The following MYO16 variants were observed in gnomAD, a reference collection of about 807,000 sequenced individuals.
The protein encoded by MYO16 is unconventional myosin-XVI.
MYO16 carries 94 observed loss-of-function variants against 205.3 expected under a neutral mutation model. That is an observed-to-expected ratio of 0.46 (90% CI 0.39 to 0.54). The LOEUF (loss-of-function observed/expected upper bound fraction) is 0.54, where lower values mean the gene tolerates loss of function less well. Among genes scored for constraint, MYO16 ranks in the 20% least tolerant of loss-of-function variants. The probability of loss-of-function intolerance (pLI) is 0.00; values close to 1 mark genes in which losing one functional copy is unlikely to be tolerated. For synonymous variants in MYO16, 988 were observed against 954.0 expected (o/e 1.04, Z -0.66); for missense variants, 2,315 against 2,387.5 (o/e 0.97, Z 0.63).
At chr13:109,092,423 C>T (rs1888652271) in intron 27 of MYO16, among the ~76,000 whole-genome samples, 1 of 152,158 alleles carries the variant, frequency 6.6e-6, no homozygotes, top group Admixed American at 6.5e-5. Context: ...GAGGTCATGT[C>T]GTTTGTGGAA....
the MYO16 span, among the ~76,000 whole-genome samples, chr13:108,530,834 T>A: frequency 6.6e-6 from 1 of 152,222 alleles, no homozygotes; most frequent in African/African-American, 2.4e-5. Flanking sequence ...ATTTATATAG[T>A]TGGGTCTTAA....
the MYO16 span, among the ~76,000 whole-genome samples, chr13:108,586,714 T>C: frequency 6.6e-6 from 1 of 152,194 alleles, no homozygotes; most frequent in African/African-American, 2.4e-5. Flanking sequence ...TAAGAGATAC[T>C]GGTTATTATG....
intron 3 of MYO16, among the ~76,000 whole-genome samples, chr13:108,726,757 T>C (rs1183632964): frequency 3.3e-5 from 5 of 152,072 alleles, no homozygotes; most frequent in Admixed American, 1.3e-4. Flanking sequence ...GACTTATATA[T>C]ACAATATTTA....
intron 16 of MYO16, among the ~76,000 whole-genome samples, chr13:108,954,111 G>A (rs1883257375): frequency 1.3e-5 from 2 of 152,224 alleles, no homozygotes; most frequent in Non-Finnish European, 2.9e-5. Flanking sequence ...TTCTCATGGA[G>A]CAGGTCATAG....
intron 4 of MYO16, among the ~76,000 whole-genome samples, chr13:108,751,376 G>A (rs954574851): frequency 1.3e-5 from 2 of 151,954 alleles, no homozygotes; most frequent in Non-Finnish European, 2.9e-5. Context: ...ACACTGGAAC[G>A]ATTTAAGCAA....
intron 29 of MYO16, among the ~76,000 whole-genome samples, chr13:109,123,694 GA>G (rs1198580096): frequency 6.6e-6 from 1 of 151,816 alleles, no homozygotes; most frequent in East Asian, 1.9e-4. Flanking sequence ...AGTGCCATCT[GA>G]AAAAAACGCT....
intron 33 of MYO16, among the ~76,000 whole-genome samples, chr13:109,173,151 C>G (rs916236779): frequency 6.6e-6 from 1 of 152,130 alleles, no homozygotes; most frequent in African/African-American, 2.4e-5. Flanking sequence ...GCACATTAGT[C>G]AATCAAAACA....
intron 34 of MYO16, among the ~76,000 whole-genome samples, chr13:109,192,735 T>A (rs1209750192): frequency 6.6e-6 from 1 of 152,082 alleles, no homozygotes; most frequent in Non-Finnish European, 1.5e-5. Context: ...CCTCCAAGAC[T>A]CAGGTTTACT....
intron 28 of MYO16, 102 bp from the exon 29 acceptor site, chr13:109,120,268 T>G: frequency 1.3e-6 from 1 of 769,012 alleles, no homozygotes; most frequent in Non-Finnish European, 2.1e-6. Context: ...TGAGTTTGTT[T>G]CTTCTAATCC....
intron 7 of MYO16, among the ~76,000 whole-genome samples, chr13:108,812,902 G>A (rs77050557): frequency 0.045 from 6,799 of 152,242 alleles, 218 homozygotes; most frequent in Non-Finnish European, 0.069. Context: ...TGAAAGAAGA[G>A]AGACTAAGGC....
intron 2 of MYO16, among the ~76,000 whole-genome samples, chr13:108,708,171 A>G (rs886827720): frequency 6.6e-6 from 1 of 152,240 alleles, no homozygotes; most frequent in East Asian, 1.9e-4. Context: ...CTACTTAGGA[A>G]AGGAAATCTG....
At chr13:109,134,873 A>G (rs1436550543) in intron 31 of MYO16, among the ~76,000 whole-genome samples, 2 of 152,160 alleles carry the variant, frequency 1.3e-5, no homozygotes, top group Non-Finnish European at 2.9e-5. Context: ...GGAAAGTACC[A>G]TCTGTATCAG....
intron 16 of MYO16, among the ~76,000 whole-genome samples, chr13:108,942,444 C>A (rs1466218205): frequency 1.1e-4 from 16 of 152,114 alleles, no homozygotes; most frequent in Non-Finnish European, 1.6e-4. Context: ...TTGGAATGCA[C>A]ACAGAGAGTT....
At chr13:108,972,379 T>C (rs1329089678) in intron 20 of MYO16, among the ~76,000 whole-genome samples, 1 of 63,552 alleles carries the variant, frequency 1.6e-5, no homozygotes, top group African/African-American at 9.1e-5. Flanking sequence ...TATATATATA[T>C]ATATATATAT....
intron 27 of MYO16, 101 bp from the exon 28 acceptor site, chr13:109,100,684 G>C: frequency 1.2e-6 from 1 of 869,066 alleles, no homozygotes; most frequent in Non-Finnish European, 1.8e-6. Flanking sequence ...AGAAAGACGG[G>C]GAAACTTTTG....
intron 4 of MYO16, among the ~76,000 whole-genome samples, chr13:108,737,518 T>C (rs1256378538): frequency 6.6e-6 from 1 of 152,226 alleles, no homozygotes; most frequent in Non-Finnish European, 1.5e-5. Flanking sequence ...AGCTTTTTGA[T>C]GTGCTGCTGG....
intron 27 of MYO16, among the ~76,000 whole-genome samples, chr13:109,074,808 C>T (rs1330779001): frequency 5.9e-5 from 9 of 152,240 alleles, no homozygotes; most frequent in Non-Finnish European, 7.4e-5. Context: ...GAGAACAGCA[C>T]GGGGGAACCA....
chr13:109,028,661 A>G (rs527605247), intron 23 of MYO16, among the ~76,000 whole-genome samples: 1 of 150,342 alleles, frequency 6.7e-6, no homozygotes, highest in South Asian at 2.1e-4. Context: ...CACCTTATCT[A>G]GTGTGCTTGC....
In MYO16 at chr13:109,207,790, GCTCGTCC is replaced by G. The variant is rs1381896870; in HGVS notation, c.*956_*962del. The G allele has an allele frequency of 1.3e-5, 2 of 152,228 alleles. No individual in the cohort carries two copies. Among genetic ancestry groups the G allele is most frequent in the Non-Finnish European group, 2.9e-5 (2 of 68,074 alleles). The allele number at this position is 152,228 out of a possible 1,614,324, so 9.4% of individuals were successfully genotyped here. Reference sequence around the variant, plus strand: ...AGCAGTAGGGGCTGCATCGCACAGCGCTCGTCCCCCGGGACTTACACTGCATGATTCC... The same window carrying G: ...AGCAGTAGGGGCTGCATCGCACAGCGCCCGGGACTTACACTGCATGATTCC... On this transcript the variant is annotated 3_prime_UTR_variant, in exon 35 of 35. Coordinates refer to ENST00000457511, the MANE Select transcript of MYO16 (RefSeq NM_001198950.3).
Sources: allele counts gnomAD v4.1 joint callset (sites outside exome capture counted in the v4.1 genomes callset), GRCh38; gene constraint gnomAD v4.1.1; transcripts MANE v1.5; gene names NCBI Gene and HGNC (gene_info 2026-07-23, HGNC 2026-07-21).